Variants in MAP6 observed in about 807,000 individuals in gnomAD.
MAP6 encodes the protein microtubule-associated protein 6.
Under a neutral mutation model 42.4 loss-of-function variants are expected in MAP6, and 26 were observed. That is an observed-to-expected ratio of 0.61 (90% CI 0.45 to 0.85). The LOEUF is 0.85. MAP6 is among the 40% of genes least tolerant of loss of function. The pLI is 0.00. For synonymous variants in MAP6, 418 were observed against 443.8 expected, an observed-to-expected ratio of 0.94 and a Z score of 0.73; for missense variants, 966 against 1,099.0, an observed-to-expected ratio of 0.88 and a Z score of 1.71.
intron 3 of MAP6, among the ~76,000 whole-genome samples, chr11:75,591,912 C>A (rs918148039): frequency 3.3e-5 from 5 of 152,192 alleles, no homozygotes; most frequent in African/African-American, 9.7e-5. Flanking sequence ...AATAACAATT[C>A]TTGATATTTT....
intron 1 of MAP6, chr11:75,638,663 G>A (rs1159772273): frequency 6.6e-6 from 1 of 152,166 alleles, no homozygotes; most frequent in African/African-American, 2.4e-5. Context: ...AACAGATGCT[G>A]GCAAAGATGC....
In MAP6 at chr11:75,612,415, G is replaced by A. The variant is rs373732953; in HGVS notation, c.906-4093C>T. On this transcript the variant is annotated intron_variant, in intron 1 of 3. Coordinates refer to ENST00000304771, the MANE Select transcript of MAP6 (RefSeq NM_033063.2). ...AGACAAGATGAATCAAATGGGACAG[G>A]GATCAGAGGGCAAGAGGGAAAGGAA... 8.5e-5 allele frequency among the ~76,000 whole-genome samples: 13 copies of A among 152,316 alleles called. 1 individual carries two copies. The East Asian group carries it at 2.3e-3, about 27-fold the overall frequency.
chr11:75,592,063 T>A (rs916279641), intron 3 of MAP6, among the ~76,000 whole-genome samples: 10 of 152,234 alleles, frequency 6.6e-5, no homozygotes, highest in Admixed American at 6.5e-4. Context: ...CCCTGCATCA[T>A]CCTCTCATGC....
Position 75,587,696 on chromosome 11 carries a change from G to A in MAP6, c.1805C>T (p.Pro602Leu). ...GACTATGGGACCTTGATCCTTGACA[G>A]GTGCTGAGACCATGGGACCTTGATC... Reference protein sequence around the residue: ...VKDQGPMVSAPVKDQGPIVPA... With the variant: ...VKDQGPMVSALVKDQGPIVPA... Residue 602 changes from proline (P) to leucine (L), a missense_variant, in exon 4 of 4, where the codon CCT becomes CTT. Around this residue, in one of 2 missense-constraint regions of MAP6, gnomAD observed 943 missense variants for 1,049.9 expected, o/e 0.90. Transcript: ENST00000304771. 6.2e-7 allele frequency: 1 copy of A among 1,613,420 alleles called. No individual in the cohort carries two copies. The highest frequency in any genetic ancestry group is 8.5e-7 in the Non-Finnish European group (1 of 1,179,758).
intron 3 of MAP6, among the ~76,000 whole-genome samples, chr11:75,598,024 G>A (rs1407715481): frequency 6.6e-6 from 1 of 152,176 alleles, no homozygotes; most frequent in Non-Finnish European, 1.5e-5. Context: ...GCCTCCCCAT[G>A]GGGCCCTCAC....
intron 1 of MAP6, among the ~76,000 whole-genome samples, chr11:75,617,375 G>A (rs1487098461): frequency 3.9e-5 from 6 of 151,918 alleles, no homozygotes; most frequent in African/African-American, 9.7e-5. Flanking sequence ...AATTAGCCAG[G>A]TGTGGTGGCG....
intron 3 of MAP6, among the ~76,000 whole-genome samples, chr11:75,589,187 C>G (rs966032908): frequency 6.6e-6 from 1 of 152,200 alleles, no homozygotes. Flanking sequence ...TTCCCTATAG[C>G]CAAGAGTCCC....
At chr11:75,591,311 A>G (rs1942473073) in intron 3 of MAP6, among the ~76,000 whole-genome samples, 1 of 152,200 alleles carries the variant, frequency 6.6e-6, no homozygotes, top group Non-Finnish European at 1.5e-5. Context: ...ACATTTTACT[A>G]ATTTTATTTT....
At position 75,587,432 on chromosome 11, in the gene MAP6, T is replaced by A; in HGVS notation, c.2069A>T (p.His690Leu). 6.2e-7 allele frequency: 1 copy of A among 1,614,142 alleles called. No individual in the cohort carries two copies. Among genetic ancestry groups the A allele is most frequent in the East Asian group, 2.2e-5 (1 of 44,888 alleles). ...AACTGCAGAATCGTGAACCTTTGCA[T>A]GCTCTGGGACTACAACATCTTGATC... is the stretch of plus-strand genomic sequence containing the variant. Reference protein sequence around the residue: ...VKDQDVVVPEHAKVHDSAVVA... With the variant: ...VKDQDVVVPELAKVHDSAVVA... The change falls in exon 4 of 4, where the codon CAT becomes CTT. Residue 690 changes from histidine (H) to leucine (L), a missense_variant. Around this residue, in one of 2 missense-constraint regions of MAP6, gnomAD observed 943 missense variants for 1,049.9 expected, o/e 0.90. Transcript: ENST00000304771.
At chr11:75,604,964 T>C in intron 3 of MAP6, 2 of 985,454 alleles carry the variant, frequency 2.0e-6, no homozygotes, top group Non-Finnish European at 2.4e-6. Context: ...TCCCTACACC[T>C]TGAACTTTCT....
intron 1 of MAP6, among the ~76,000 whole-genome samples, chr11:75,630,811 T>C (rs1404873109): frequency 2.0e-5 from 3 of 152,224 alleles, no homozygotes; most frequent in Non-Finnish European, 4.4e-5. Context: ...AAGGTAATGA[T>C]TCAAGTGTTT....
intron 1 of MAP6, among the ~76,000 whole-genome samples, chr11:75,636,946 T>A (rs1337920237): frequency 6.6e-6 from 1 of 152,202 alleles, no homozygotes; most frequent in Admixed American, 6.5e-5. Flanking sequence ...GGCAGTTGTC[T>A]CCTGATCCGC....
chr11:75,632,609 T>C (rs1261498113), intron 1 of MAP6, among the ~76,000 whole-genome samples: 2 of 152,182 alleles, frequency 1.3e-5, no homozygotes, highest in East Asian at 1.9e-4. Flanking sequence ...TCAAAGAAGA[T>C]AGATACAAGG....
intron 1 of MAP6, among the ~76,000 whole-genome samples, chr11:75,626,776 G>T (rs1219952013): frequency 1.3e-5 from 2 of 152,132 alleles, no homozygotes; most frequent in Admixed American, 6.5e-5. Flanking sequence ...GAGAGGTGAG[G>T]TTACTCATCT....
chr11:75,650,535 T>C (rs1308816471), intron 1 of MAP6, among the ~76,000 whole-genome samples: 1 of 152,204 alleles, frequency 6.6e-6, no homozygotes, highest in Non-Finnish European at 1.5e-5. Flanking sequence ...TCCAAGAACA[T>C]AGTTCAGAGT....
intron 1 of MAP6, among the ~76,000 whole-genome samples, chr11:75,629,587 T>C (rs1043417822): frequency 2.0e-5 from 3 of 152,226 alleles, no homozygotes; most frequent in Non-Finnish European, 4.4e-5. Flanking sequence ...AGACTGACTT[T>C]ATATTCTTAT....
At chr11:75,644,935 G>A (rs543869008) in intron 1 of MAP6, among the ~76,000 whole-genome samples, 6 of 152,272 alleles carry the variant, frequency 3.9e-5, no homozygotes, top group African/African-American at 1.4e-4. Flanking sequence ...AGGAAACCCT[G>A]AATCAGAGCA....
Position 75,667,671 on chromosome 11 carries a change from C to T in MAP6, c.699G>A (p.Ala233=). The part of the protein sequence containing the change: ...GGLAAGKASG[A]DERDTRRKAG... The stretch of plus-strand genomic sequence containing the variant: ...CCTTCCTGCGCGTGTCGCGCTCGTC[C>T]GCCCCGGACGCCTTTCCGGCCGCCA... Residue 233 remains alanine (A), a synonymous_variant, in exon 1 of 4, where the codon GCG becomes GCA. Transcript: ENST00000304771. The surrounding 1 kb of genome is among the most constrained non-coding windows in gnomAD (Gnocchi z 5.6). The T allele has an allele frequency of 1.6e-6, 2 of 1,262,322 alleles. No individual in the cohort carries two copies. The highest frequency in any genetic ancestry group is 3.2e-5 in the East Asian group (1 of 30,890). The allele number at this position is 1,262,322 out of a possible 1,614,324, so 78.2% of individuals were successfully genotyped here.
intron 1 of MAP6, among the ~76,000 whole-genome samples, chr11:75,622,236 G>A (rs56853461): frequency 5.9e-5 from 9 of 151,554 alleles, no homozygotes; most frequent in African/African-American, 2.2e-4. Context: ...AGTTTTTTTT[G>A]ATTTTTAATT....
Sources: allele counts gnomAD v4.1 joint callset (sites outside exome capture counted in the v4.1 genomes callset), GRCh38; gene constraint gnomAD v4.1.1; regional missense constraint gnomAD v4.1.1; non-coding constraint Gnocchi (gnomAD v3.1); transcripts MANE v1.5; gene names NCBI Gene and HGNC (gene_info 2026-07-23, HGNC 2026-07-21).